Variants in COL12A1 observed in about 807,000 individuals in gnomAD.
The protein encoded by COL12A1 is collagen alpha-1(XII) chain.
Under a neutral mutation model 349.7 loss-of-function variants are expected in COL12A1, and 114 were observed. That is an observed-to-expected ratio of 0.33 (90% CI 0.28 to 0.38). The LOEUF is 0.38. Among genes scored for constraint, COL12A1 ranks in the 10% least tolerant of loss-of-function variants. COL12A1 has a pLI of 1.00. For synonymous variants in COL12A1, 1,369 were observed against 1,329.0 expected (o/e 1.03, Z -0.66); for missense variants, 3,284 against 3,756.9 (o/e 0.87, Z 3.29).
intron 24 of COL12A1, 42 bp from the exon 25 acceptor site, chr6:75,145,497 A>C (rs1303729959): frequency 2.5e-6 from 4 of 1,590,406 alleles, no homozygotes; most frequent in Non-Finnish European, 2.6e-6. Flanking sequence ...TATTCAAATC[A>C]AACTTTTCCA....
chr6:75,130,076 G>T lies in COL12A1; in HGVS notation c.6210+15C>A. The T allele has an allele frequency of 6.2e-7, 1 of 1,610,186 alleles. No homozygotes were observed. The highest frequency in any genetic ancestry group is 8.5e-7 in the Non-Finnish European group (1 of 1,178,660). ...AAGATGATAAAATGTGCCAATAAAT[G>T]AGTATCAGACTTACATATTCATCAA... On this transcript the variant is annotated intron_variant, in intron 37 of 65. Coordinates refer to ENST00000322507, the MANE Select transcript of COL12A1 (RefSeq NM_004370.6).
In COL12A1 at chr6:75,183,962, G is replaced by C; in HGVS notation, c.1180C>G (p.Leu394Val). Residue 394 changes from leucine (L) to valine (V), a missense_variant, in exon 9 of 66, where the codon CTC (leucine) becomes GTC (valine). Coordinates refer to ENST00000322507, the MANE Select transcript of COL12A1 (RefSeq NM_004370.6). ...ATCTGGTATTCTGTGTCTGCTGAGA[G>C]GTCGCGAACACTGAGCGTGGTTGTC... The part of the protein sequence containing the change: ...PQTTTLSVRD[L>V]SADTEYQISV... 1.2e-6 allele frequency: 2 copies of C among 1,614,200 alleles called. No individual in the cohort carries two copies. Among genetic ancestry groups the C allele is most frequent in the Non-Finnish European group, 1.7e-6 (2 of 1,180,046 alleles).
chr6:75,180,874 CTG>C, intron 11 of COL12A1, 63 bp downstream of exon 11: 1 of 1,537,610 alleles, frequency 6.5e-7, no homozygotes, highest in Non-Finnish European at 8.8e-7. Flanking sequence ...TTATTACAAA[CTG>C]TAACTTTGTA....
intron 2 of COL12A1, among the ~76,000 whole-genome samples, chr6:75,195,429 A>G (rs1770168025): frequency 2.0e-5 from 3 of 152,196 alleles, no homozygotes; most frequent in Admixed American, 6.6e-5. Flanking sequence ...GACAAGAAAC[A>G]ATGATGGTTT....
In COL12A1 at chr6:75,184,142, C is replaced by T. The variant is rs2149467613; in HGVS notation, c.1000G>A (p.Val334Ile). 1 of 1,612,806 alleles carries T rather than the reference C, an allele frequency of 6.2e-7. No homozygotes were observed. ...GCAATCAAATTTGAAGGAGGCTCAACAACTAAAAAGTTACAAGCAGACAGT... is the reference window on the plus strand; with the variant it reads ...GCAATCAAATTTGAAGGAGGCTCAATAACTAAAAAGTTACAAGCAGACAGT... ...LGELVSGEEV[V>I]EPPSNLIAME... The change falls in exon 9 of 66, where the codon GTT (valine) becomes ATT (isoleucine). Residue 334 changes from valine to isoleucine, a missense_variant and splice_region_variant. This residue lies in a region of COL12A1 where 2,601 missense variants were observed against 2,824.8 expected (regional missense o/e 0.92). Coordinates refer to ENST00000322507, the MANE Select transcript of COL12A1 (RefSeq NM_004370.6).
chr6:75,152,477 C>T lies in COL12A1; in HGVS notation c.3571G>A (p.Glu1191Lys). The change falls in exon 18 of 66, where the codon GAG (glutamate) becomes AAG (lysine). Residue 1191 changes from glutamate (E) to lysine (K), a missense_variant. By Grantham distance (56) the Glu-to-Lys change is moderately conservative. This residue lies in a region of COL12A1 where 2,601 missense variants were observed against 2,824.8 expected (regional missense o/e 0.92). Transcript: ENST00000322507. ...TCTGCCTCAGCTCTGGTGAGACACT[C>T]CATCCCTGACATGGCAATCATGAGA... ...TVMPILSSGM[E>K]CLTRAEADIV... The T allele has an allele frequency of 1.2e-6, 2 of 1,613,302 alleles. No individual in the cohort carries two copies. Among genetic ancestry groups the T allele is most frequent in the South Asian group, 2.2e-5 (2 of 91,068 alleles).
At chr6:75,198,950 A>G (rs1770378755) in intron 2 of COL12A1, among the ~76,000 whole-genome samples, 2 of 152,246 alleles carry the variant, frequency 1.3e-5, no homozygotes, top group African/African-American at 4.8e-5. Flanking sequence ...ACTATATTCT[A>G]TAGGCATTAA....
intron 1 of COL12A1, among the ~76,000 whole-genome samples, chr6:75,204,214 G>T (rs987912033): frequency 6.6e-6 from 1 of 152,170 alleles, no homozygotes; most frequent in Non-Finnish European, 1.5e-5. Context: ...TCAGTGAAAA[G>T]CAAGAGGTGA....
Position 75,090,542 on chromosome 6 carries a change from TA to T in COL12A1, c.8753-245del, listed in dbSNP as rs1767710859. Among the ~76,000 whole-genome samples the T allele has an allele frequency of 6.6e-6, 1 of 152,188 alleles. No homozygotes were observed. The highest frequency in any genetic ancestry group is 1.5e-5 in the Non-Finnish European group (1 of 68,032). On this transcript the variant is annotated intron_variant, in intron 62 of 65. Transcript: ENST00000322507. The surrounding 1 kb of genome is among the most constrained non-coding windows in gnomAD (Gnocchi z 4.1). ...CAAGCCACAAACATTACTACAAATA[TA>T]AAAGAGTTGTTAAAGTTTAATATGG...
At chr6:75,197,335 G>A (rs1308776063) in intron 2 of COL12A1, among the ~76,000 whole-genome samples, 1 of 143,552 alleles carries the variant, frequency 7.0e-6, no homozygotes, top group African/African-American at 2.6e-5. Context: ...TTTTTGAGAC[G>A]GAGTTTCGCT....
At chr6:75,098,099 C>T (rs1212659879) in intron 58 of COL12A1, among the ~76,000 whole-genome samples, 1 of 152,170 alleles carries the variant, frequency 6.6e-6, no homozygotes, top group African/African-American at 2.4e-5. Flanking sequence ...GTAGTAAATA[C>T]TTAACATGAA....
rs751811370 is a variant in COL12A1, at chr6:75,191,712, G to A, written c.383C>T (p.Thr128Ile). 1.9e-6 allele frequency: 3 copies of A among 1,594,514 alleles called. No homozygotes were observed. The change falls in exon 5 of 66, where the codon ACC becomes ATC. Residue 128 changes from threonine to isoleucine, a missense_variant. Physicochemically the swap from Thr to Ile is moderately conservative, Grantham distance 89. Transcript: ENST00000322507. ...AGAGAAACACTCACTTTGTATCTCG[G>A]TTTTTCCAGGTTTCTTCTCCACTGG... ...TKPVEKKPGKTEIQKCSVSAW... is the reference protein window; with the variant it reads ...TKPVEKKPGKIEIQKCSVSAW...
At chr6:75,095,799 G>A (rs1767996486) in intron 59 of COL12A1, among the ~76,000 whole-genome samples, 1 of 152,102 alleles carries the variant, frequency 6.6e-6, no homozygotes, top group Non-Finnish European at 1.5e-5. Context: ...TAGTAAATTG[G>A]TTACAAAGTG....
chr6:75,182,521 TC>T (rs1412870669), intron 10 of COL12A1, among the ~76,000 whole-genome samples: 1 of 152,078 alleles, frequency 6.6e-6, no homozygotes, highest in Non-Finnish European at 1.5e-5. Flanking sequence ...TTCATCCATG[TC>T]CCTGAAAAGG....
At position 75,126,447 on chromosome 6, in the gene COL12A1, T is replaced by C. The variant is rs774016832; in HGVS notation, c.6364A>G (p.Ile2122Val). ...GTATACCATTCGTCAGAGATGTGTATGTTCTGAGGAGGAAGGAGTCCCACT... is the reference window on the plus strand; with the variant it reads ...GTATACCATTCGTCAGAGATGTGTACGTTCTGAGGAGGAAGGAGTCCCACT... ...RTVGLLPPQN[I>V]HISDEWYTRF... The change falls in exon 39 of 66, where the codon ATA (isoleucine) becomes GTA (valine). Residue 2122 changes from isoleucine (I) to valine (V), a missense_variant. Physicochemically the swap from Ile to Val is conservative, Grantham distance 29. Coordinates refer to ENST00000322507, the MANE Select transcript of COL12A1 (RefSeq NM_004370.6). 1.9e-6 allele frequency: 3 copies of C among 1,610,860 alleles called. No individual in the cohort carries two copies. The highest frequency in any genetic ancestry group is 1.3e-5 in the African/African-American group (1 of 74,800).
At chr6:75,152,110 T>C (rs1767522997) in intron 19 of COL12A1, 21 bp downstream of exon 19, 6 of 1,613,828 alleles carry the variant, frequency 3.7e-6, no homozygotes, top group Non-Finnish European at 4.2e-6. Flanking sequence ...GCTGAAAGAC[T>C]GTCAGACAGT....
Position 75,126,453 on chromosome 6 carries a change from G to T in COL12A1, c.6358C>A (p.Gln2120Lys). 1 of 1,610,314 alleles carries T rather than the reference G, an allele frequency of 6.2e-7. No homozygotes were observed. The highest frequency in any genetic ancestry group is 1.1e-5 in the South Asian group (1 of 90,926). The change falls in exon 39 of 66, where the codon CAG becomes AAG. Residue 2120 changes from glutamine to lysine, a missense_variant. By Grantham distance (53) the Gln-to-Lys change is moderately conservative (BLOSUM62 1). Around this residue, in one of 2 missense-constraint regions of COL12A1, gnomAD observed 2,601 missense variants for 2,824.8 expected, o/e 0.92. Transcript: ENST00000322507. ...NGRTVGLLPP[Q>K]NIHISDEWYT... ...CATTCGTCAGAGATGTGTATGTTCT[G>T]AGGAGGAAGGAGTCCCACTGAAAAC... is the stretch of plus-strand genomic sequence containing the variant.
Position 75,085,246 on chromosome 6 carries a change from G to A in COL12A1, c.*1301C>T. 2.1e-6 allele frequency: 1 copy of A among 470,708 alleles called. No homozygotes were observed. The highest frequency in any genetic ancestry group is 4.4e-6 in the Non-Finnish European group (1 of 227,046). 29.2% of individuals were successfully genotyped at this position (470,708 alleles called of 1,614,324 possible). A position where few individuals can be genotyped will look rare whatever the true frequency, so the allele number is the denominator to read the frequency against. The stretch of plus-strand genomic sequence containing the variant: ...CGCCAGCGCCGGTGGGGCTCAGGAG[G>A]CTCCTCTGCAGGCTCGTCTGCGCCG... On this transcript the variant is annotated 3_prime_UTR_variant, in exon 66 of 66. Coordinates refer to ENST00000322507, the MANE Select transcript of COL12A1 (RefSeq NM_004370.6).
intron 59 of COL12A1, 78 bp from the exon 60 acceptor site, chr6:75,095,257 T>G: frequency 9.8e-7 from 1 of 1,024,240 alleles, no homozygotes. Context: ...ACAGCCTGTT[T>G]TAAACGCGTT....
Sources: allele counts gnomAD v4.1 joint callset (sites outside exome capture counted in the v4.1 genomes callset), GRCh38; gene constraint gnomAD v4.1.1; regional missense constraint gnomAD v4.1.1; non-coding constraint Gnocchi (gnomAD v3.1); transcripts MANE v1.5; gene names NCBI Gene and HGNC (gene_info 2026-07-23, HGNC 2026-07-21).